ARMH4: variants seen among roughly 807,000 people sequenced by gnomAD.
ARMH4 encodes the protein armadillo-like helical domain-containing protein 4.
Under a neutral mutation model 61.9 loss-of-function variants are expected in ARMH4, and 49 were observed. The observed-to-expected ratio is 0.79, with a 90% CI of 0.63 to 1.00. ARMH4 has a LOEUF of 1.00. ARMH4 is among the 50% of genes least tolerant of loss of function. The pLI is 0.00. For synonymous variants in ARMH4, 368 were observed against 341.5 expected, an observed-to-expected ratio of 1.08 and a Z score of -0.85; for missense variants, 934 against 930.0, an observed-to-expected ratio of 1.00 and a Z score of -0.06.
rs188507280 is a variant in ARMH4 at position 58,042,309 on chromosome 14, T to C, written c.2090-30159A>G. Among the ~76,000 whole-genome samples the C allele has an allele frequency of 2.6e-5, 4 of 152,296 alleles. No individual in the cohort carries two copies. In the East Asian group the frequency reaches 5.8e-4, roughly 22 times the overall value. ...GATTAAGAAACTCACTCAAAACTGCTCAACTACATGGAAACTGAACAAACT... is the reference window on the plus strand; with the variant it reads ...GATTAAGAAACTCACTCAAAACTGCCCAACTACATGGAAACTGAACAAACT... On this transcript the variant is annotated intron_variant, in intron 5 of 7. Coordinates refer to ENST00000267485, the MANE Select transcript of ARMH4 (RefSeq NM_001001872.4).
At chr14:58,102,370 G>A (rs1224773529) in intron 4 of ARMH4, among the ~76,000 whole-genome samples, 2 of 152,066 alleles carry the variant, frequency 1.3e-5, no homozygotes, top group Non-Finnish European at 2.9e-5. Flanking sequence ...GTCCCAAAGA[G>A]ATAAACCCAC....
chr14:58,141,594 C>G (rs1000504282), intron 1 of ARMH4: 1 of 473,654 alleles, frequency 2.1e-6, no homozygotes, highest in Non-Finnish European at 4.1e-6. Context: ...GCCTGCACCC[C>G]GGTGCTATCA....
intron 5 of ARMH4, among the ~76,000 whole-genome samples, chr14:58,078,955 C>A (rs1301109008): frequency 6.6e-6 from 1 of 152,218 alleles, no homozygotes; most frequent in Non-Finnish European, 1.5e-5. Context: ...CTGGGAAAGT[C>A]TTTCTTCGAA....
At chr14:58,125,082 T>C (rs993622097) in intron 4 of ARMH4, among the ~76,000 whole-genome samples, 1 of 152,008 alleles carries the variant, frequency 6.6e-6, no homozygotes, top group Non-Finnish European at 1.5e-5. Flanking sequence ...GTGGCAGTCT[T>C]ACACTGCCGG....
chr14:58,086,990 G>A (rs1309807278), intron 5 of ARMH4, among the ~76,000 whole-genome samples: 1 of 152,038 alleles, frequency 6.6e-6, no homozygotes, highest in Non-Finnish European at 1.5e-5. Flanking sequence ...GAAACAGGCA[G>A]GAAGATAGAC....
intron 4 of ARMH4, among the ~76,000 whole-genome samples, chr14:58,102,414 G>A (rs916917131): frequency 4.6e-5 from 7 of 152,112 alleles, no homozygotes; most frequent in Admixed American, 1.3e-4. Context: ...ATGGGACCTC[G>A]TTTGGTAAAA....
chr14:58,115,143 G>C (rs1324134894), intron 4 of ARMH4, among the ~76,000 whole-genome samples: 1 of 151,984 alleles, frequency 6.6e-6, no homozygotes, highest in Non-Finnish European at 1.5e-5. Context: ...ACTATCAAGG[G>C]GGTAAACAGA....
At chr14:58,024,043 C>A (rs979412822) in intron 5 of ARMH4, among the ~76,000 whole-genome samples, 40 of 152,106 alleles carry the variant, frequency 2.6e-4, no homozygotes, top group African/African-American at 9.7e-4. Context: ...TTCTTAAGGG[C>A]CCTAGGATTT....
chr14:58,038,645 C>G (rs1318381666), intron 5 of ARMH4, among the ~76,000 whole-genome samples: 2 of 151,294 alleles, frequency 1.3e-5, no homozygotes, highest in Non-Finnish European at 1.5e-5. Context: ...TGTCTTTGTA[C>G]TATCTGATTA....
Position 58,133,204 on chromosome 14 carries a change from G to A in ARMH4, c.1507C>T (p.Pro503Ser), listed in dbSNP as rs1441212152. 6.2e-7 allele frequency: 1 copy of A among 1,614,038 alleles called. No individual in the cohort carries two copies. The highest frequency in any genetic ancestry group is 8.5e-7 in the Non-Finnish European group (1 of 1,180,034). The change falls in exon 3 of 8, where the codon CCT (proline) becomes TCT (serine). Residue 503 changes from proline to serine, a missense_variant. Physicochemically the swap from Pro to Ser is moderately conservative, Grantham distance 74 (BLOSUM62 -1). Coordinates refer to ENST00000267485, the MANE Select transcript of ARMH4 (RefSeq NM_001001872.4). ...KTEEEKEDPS[P>S]VSDVPGVTQL... ...GTAACACCAGGAACGTCAGACACAG[G>A]AGAGGGGTCCTCCTTTTCTTCCTCA... is the stretch of plus-strand genomic sequence containing the variant.
intron 1 of ARMH4, 102 bp downstream of exon 1, chr14:58,151,973 G>A (rs1887943410): frequency 6.6e-6 from 1 of 152,264 alleles, no homozygotes; most frequent in Non-Finnish European, 1.5e-5. Flanking sequence ...TGTTACGCTC[G>A]CGGAGCGACC....
chr14:58,148,622 T>A (rs1427958179), intron 1 of ARMH4, among the ~76,000 whole-genome samples: 2 of 152,208 alleles, frequency 1.3e-5, no homozygotes, highest in African/African-American at 4.8e-5. Context: ...TTTGTTGGCA[T>A]GATGTGAATA....
chr14:58,133,842 G>A (rs1363048987), intron 2 of ARMH4, among the ~76,000 whole-genome samples: 6 of 152,178 alleles, frequency 3.9e-5, no homozygotes, highest in African/African-American at 1.4e-4. Context: ...CATGCGAAGT[G>A]CATGACATAT....
At chr14:58,088,604 G>C (rs542965039) in intron 5 of ARMH4, among the ~76,000 whole-genome samples, 1 of 152,104 alleles carries the variant, frequency 6.6e-6, no homozygotes, top group Non-Finnish European at 1.5e-5. Flanking sequence ...ACTCCCAGGC[G>C]TCTGGCAGAT....
rs116303482 is a variant in ARMH4 at position 58,030,209 on chromosome 14, A to G, written c.2090-18059T>C. On this transcript the variant is annotated intron_variant, in intron 5 of 7. Coordinates refer to ENST00000267485, the MANE Select transcript of ARMH4 (RefSeq NM_001001872.4). ...GGGGAGAGAGTAGAACTCATATTCC[A>G]TTCACCCATACTTCACCCATCCTGC... Among the ~76,000 whole-genome samples, 504 of 152,254 alleles carry G rather than the reference A, an allele frequency of 3.3e-3. 4 individuals are homozygous for G. Among genetic ancestry groups the G allele is most frequent in the African/African-American group, 0.011 (468 of 41,554 alleles).
At chr14:58,106,440 G>C (rs1352912580) in intron 4 of ARMH4, among the ~76,000 whole-genome samples, 1 of 152,222 alleles carries the variant, frequency 6.6e-6, no homozygotes, top group African/African-American at 2.4e-5. Context: ...TGAAACAGTT[G>C]AGAATAAAAC....
At chr14:58,125,523 C>A (rs985982069) in intron 4 of ARMH4, among the ~76,000 whole-genome samples, 1 of 152,194 alleles carries the variant, frequency 6.6e-6, no homozygotes, top group African/African-American at 2.4e-5. Context: ...CCATACATTT[C>A]AATCCCTGTA....
intron 5 of ARMH4, among the ~76,000 whole-genome samples, chr14:58,051,329 T>C (rs1358131516): frequency 6.6e-6 from 1 of 152,124 alleles, no homozygotes; most frequent in Non-Finnish European, 1.5e-5. Context: ...ATTCATCTTT[T>C]CTCAGCAGCT....
At chr14:58,068,625 A>C (rs948380278) in intron 5 of ARMH4, among the ~76,000 whole-genome samples, 3 of 152,212 alleles carry the variant, frequency 2.0e-5, no homozygotes, top group African/African-American at 7.2e-5. Context: ...TTTCTCAGCC[A>C]GCAGACAAAA....
Sources: gnomAD v4.1 joint callset for allele counts (sites outside exome capture counted in the v4.1 genomes callset) on GRCh38, gnomAD v4.1.1 for gene constraint, MANE v1.5 for transcripts, NCBI Gene and HGNC (gene_info 2026-07-23, HGNC 2026-07-21) for gene names.